The following MAPK10 variants were observed in gnomAD, a reference collection of about 807,000 sequenced individuals.
The protein encoded by MAPK10 is JNK3 alpha protein kinase.
A neutral mutation model predicts 59.3 loss-of-function variants in MAPK10; 25 were observed. The observed-to-expected ratio is 0.42, with a 90% CI of 0.31 to 0.59. MAPK10 has a LOEUF of 0.59. MAPK10 is among the 20% of genes least tolerant of loss of function. MAPK10 has a pLI of 0.15. For synonymous variants in MAPK10, 190 were observed against 200.5 expected, an observed-to-expected ratio of 0.95 and a Z score of 0.44; for missense variants, 351 against 568.9, an observed-to-expected ratio of 0.62 and a Z score of 3.90.
chr4:86,149,034 C>G (rs548910957), intron 4 of MAPK10, among the ~76,000 whole-genome samples: 89 of 152,204 alleles, frequency 5.8e-4, no homozygotes, highest in Non-Finnish European at 1.0e-3. Flanking sequence ...CATTAACATT[C>G]AACCACCAGC....
Position 86,014,717 on chromosome 4 carries a change from C to T in MAPK10, c.*2511G>A, listed in dbSNP as rs1026851737. The T allele has an allele frequency of 6.6e-6, 1 of 152,196 alleles. No individual in the cohort carries two copies. The highest frequency in any genetic ancestry group is 2.4e-5 in the African/African-American group (1 of 41,416). The allele number at this position is 152,196 out of a possible 1,614,324, so 9.4% of individuals were successfully genotyped here. A position where few individuals can be genotyped will look rare whatever the true frequency, so the allele number is the denominator to read the frequency against. On this transcript the variant is annotated 3_prime_UTR_variant, in exon 14 of 14. Transcript: ENST00000641462. ...ACTAACAGCGGGGGAGGGGCCCTGTCTAGTTCTTGCCTGGTTTACTCTGAG... is the reference window on the plus strand; with the variant it reads ...ACTAACAGCGGGGGAGGGGCCCTGTTTAGTTCTTGCCTGGTTTACTCTGAG...
chr4:86,045,227 T>A (rs1248080764), intron 11 of MAPK10, among the ~76,000 whole-genome samples: 1 of 152,102 alleles, frequency 6.6e-6, no homozygotes, highest in Non-Finnish European at 1.5e-5. Flanking sequence ...GTCTTGAAAA[T>A]GAAATTTCTC....
chr4:86,054,167 T>A (rs1003023434), intron 11 of MAPK10, among the ~76,000 whole-genome samples: 2 of 152,220 alleles, frequency 1.3e-5, no homozygotes, highest in African/African-American at 4.8e-5. Flanking sequence ...GGATTCTGAA[T>A]ATCCCAATGA....
chr4:86,074,668 G>A (rs1275217983), intron 9 of MAPK10, among the ~76,000 whole-genome samples: 1 of 144,928 alleles, frequency 6.9e-6, no homozygotes, highest in East Asian at 2.0e-4. Flanking sequence ...AGTTTGGCCT[G>A]ATATGAAATT....
intron 3 of MAPK10, among the ~76,000 whole-genome samples, chr4:86,168,570 G>A (rs901012772): frequency 2.0e-5 from 3 of 152,208 alleles, no homozygotes; most frequent in Non-Finnish European, 4.4e-5. Flanking sequence ...AGCTCCAACT[G>A]GGTGGAGCCC....
intron 3 of MAPK10, among the ~76,000 whole-genome samples, chr4:86,165,314 T>TGC (rs1483383875): frequency 1.3e-5 from 2 of 152,140 alleles, no homozygotes; most frequent in African/African-American, 4.8e-5. Flanking sequence ...TGTTCTGGGG[T>TGC]GGCAAAAAGG....
chr4:86,328,101 C>CTGT (rs1255666376), intron 2 of MAPK10, among the ~76,000 whole-genome samples: 1 of 152,052 alleles, frequency 6.6e-6, no homozygotes, highest in African/African-American at 2.4e-5. Context: ...GGACTCTTTC[C>CTGT]TCATGAAGGA....
intron 1 of MAPK10, among the ~76,000 whole-genome samples, chr4:86,403,629 T>TA (rs1743993145): frequency 6.6e-6 from 1 of 152,102 alleles, no homozygotes; most frequent in Admixed American, 6.6e-5. Flanking sequence ...TCAGGAAACT[T>TA]ACAATCATGA....
chr4:86,278,563 T>C (rs745757655), intron 2 of MAPK10, among the ~76,000 whole-genome samples: 2 of 152,162 alleles, frequency 1.3e-5, no homozygotes, highest in African/African-American at 2.4e-5. Context: ...GAATAAAATT[T>C]ACTAAATATT....
intron 2 of MAPK10, among the ~76,000 whole-genome samples, chr4:86,237,369 C>T (rs1281730220): frequency 6.6e-6 from 1 of 150,742 alleles, no homozygotes; most frequent in Non-Finnish European, 1.5e-5. Context: ...GGGTATATAC[C>T]CAGTAATGAG....
intron 2 of MAPK10, among the ~76,000 whole-genome samples, chr4:86,194,782 A>G (rs1156382686): frequency 6.6e-6 from 1 of 151,814 alleles, no homozygotes; most frequent in Non-Finnish European, 1.5e-5. Context: ...TGTAGAATAA[A>G]AGCACTATTA....
intron 3 of MAPK10, among the ~76,000 whole-genome samples, chr4:86,174,294 G>C (rs943958215): frequency 3.5e-4 from 53 of 152,290 alleles, no homozygotes; most frequent in African/African-American, 1.2e-3. Context: ...CAGTCGTAAA[G>C]AGGAATGAGA....
At chr4:86,466,138 T>A (rs546167606) in intron 1 of MAPK10, among the ~76,000 whole-genome samples, 1 of 152,334 alleles carries the variant, frequency 6.6e-6, no homozygotes, top group African/African-American at 2.4e-5. Context: ...TCTACTCCTA[T>A]AATTGAGGCA....
intron 9 of MAPK10, among the ~76,000 whole-genome samples, chr4:86,073,944 A>T (rs1197334325): frequency 8.5e-5 from 9 of 105,710 alleles, no homozygotes; most frequent in Non-Finnish European, 1.4e-4. Context: ...ATTCCTGGGT[A>T]TCCTTGTTGA....
At chr4:86,489,307 C>G (rs535684776) in intron 1 of MAPK10, among the ~76,000 whole-genome samples, 1 of 152,216 alleles carries the variant, frequency 6.6e-6, no homozygotes, top group African/African-American at 2.4e-5. Flanking sequence ...ATTATAGACT[C>G]AAGTATCTCA....
At position 86,334,465 on chromosome 4, in the gene MAPK10, A is replaced by G. The variant is rs7661679; in HGVS notation, c.-7+20065T>C. Among the ~76,000 whole-genome samples, 1,510 of 152,246 alleles carry G rather than the reference A, an allele frequency of 9.9e-3. 17 individuals carry two copies. The highest frequency in any genetic ancestry group is 0.034 in the African/African-American group (1,428 of 41,546). On this transcript the variant is annotated intron_variant, in intron 2 of 13. Transcript: ENST00000641462. ...GCTTGTGTCTGTGACTCCACTTAAA[A>G]GTCTTCCATGTCATAACTAATATGG...
At chr4:86,363,937 T>C (rs1259035101), upstream of MAPK10, among the ~76,000 whole-genome samples, 1 of 151,532 alleles carries the variant, frequency 6.6e-6, no homozygotes, top group Non-Finnish European at 1.5e-5. Flanking sequence ...TGCCTGCCAC[T>C]CCACCTGGCT....
chr4:86,152,276 A>AGAAGAATAGAAAT (rs1274127767), intron 4 of MAPK10: 1 of 152,328 alleles, frequency 6.6e-6, no homozygotes, highest in Admixed American at 6.5e-5. Context: ...TAAAAAATAA[A>AGAAGAATAGAAAT]GAAGAATAGA....
chr4:86,497,379 G>A (rs1408497147), intron 1 of MAPK10, among the ~76,000 whole-genome samples: 1 of 152,188 alleles, frequency 6.6e-6, no homozygotes, highest in Non-Finnish European at 1.5e-5. Context: ...GTGCCAAATG[G>A]AAAACCTATC....
Sources: allele counts gnomAD v4.1 joint callset (sites outside exome capture counted in the v4.1 genomes callset), GRCh38; gene constraint gnomAD v4.1.1; transcripts MANE v1.5; gene names NCBI Gene and HGNC (gene_info 2026-07-23, HGNC 2026-07-21).